NTM: variants seen among roughly 807,000 people sequenced by gnomAD.
The protein encoded by NTM is neurotrimin, also known as IgLON family member 2.
Under a neutral mutation model 42.1 loss-of-function variants are expected in NTM, and 13 were observed. That is an observed-to-expected ratio of 0.31 (90% CI 0.20 to 0.49). The LOEUF is 0.49. Among genes scored for constraint, NTM ranks in the 20% least tolerant of loss-of-function variants. The pLI, the probability that NTM is intolerant of heterozygous loss-of-function variation, is 0.99. For missense variants in NTM, 373 were observed against 452.8 expected, an observed-to-expected ratio of 0.82 and a Z score of 1.60; for synonymous variants, 187 against 179.2, an observed-to-expected ratio of 1.04 and a Z score of -0.35.
intron 1 of NTM, among the ~76,000 whole-genome samples, chr11:131,739,243 T>C (rs896102151): frequency 1.3e-5 from 2 of 151,962 alleles, no homozygotes; most frequent in African/African-American, 4.8e-5. Context: ...TTTCAAGATA[T>C]CAAAACAGCT....
At chr11:131,880,685 CAT>C (rs368478284) in intron 1 of NTM, among the ~76,000 whole-genome samples, 53 of 152,300 alleles carry the variant, frequency 3.5e-4, no homozygotes, top group African/African-American at 9.6e-4. Flanking sequence ...CTTAGGATGA[CAT>C]ATACACACTC....
At chr11:131,564,860 CACACACAT>C (rs1337589151) in intron 1 of NTM, among the ~76,000 whole-genome samples, 5 of 149,798 alleles carry the variant, frequency 3.3e-5, no homozygotes, top group Admixed American at 6.6e-5. Flanking sequence ...CACACACATA[CACACACAT>C]ACACACACAC....
intron 2 of NTM, among the ~76,000 whole-genome samples, chr11:132,004,605 TTCTCTCTCTC>T (rs71480226): frequency 2.2e-4 from 32 of 144,148 alleles, no homozygotes; most frequent in East Asian, 8.4e-4. Flanking sequence ...CTTTCTCTCT[TTCTCTCTCTC>T]TCTCTCTCTC....
At chr11:131,638,600 G>A (rs1387361275) in intron 1 of NTM, among the ~76,000 whole-genome samples, 3 of 146,978 alleles carry the variant, frequency 2.0e-5, no homozygotes, top group African/African-American at 7.5e-5. Context: ...ATGCCTAATA[G>A]GTAAATCACA....
intron 1 of NTM, among the ~76,000 whole-genome samples, chr11:131,724,791 G>A (rs764278968): frequency 6.6e-6 from 1 of 152,126 alleles, no homozygotes; most frequent in Non-Finnish European, 1.5e-5. Context: ...AAGGACAGAT[G>A]GAGGCTGCCT....
At chr11:132,153,910 A>G (rs1481586057) in intron 3 of NTM, among the ~76,000 whole-genome samples, 2 of 152,184 alleles carry the variant, frequency 1.3e-5, no homozygotes, top group African/African-American at 4.8e-5. Context: ...GAGTAATTGA[A>G]TTTACCTGCA....
chr11:132,169,584 T>C lies in NTM; in HGVS notation c.400+23070T>C, dbSNP rs144376720. 9.7e-3 allele frequency among the ~76,000 whole-genome samples: 1,480 copies of C among 152,016 alleles called. 20 individuals are homozygous for C. The highest frequency in any genetic ancestry group is 0.033 in the African/African-American group (1,388 of 41,442). Reference sequence around the variant, plus strand: ...TCCCTGAGCTCATGATCTGCCCTCCTTGGCCTCCCAAAGTGCTGGGATTAC... The same window carrying C: ...TCCCTGAGCTCATGATCTGCCCTCCCTGGCCTCCCAAAGTGCTGGGATTAC... On this transcript the variant is annotated intron_variant, in intron 3 of 8. Transcript: ENST00000683400.
intron 4 of NTM, among the ~76,000 whole-genome samples, chr11:132,249,161 A>G (rs1271834791): frequency 6.6e-6 from 1 of 152,356 alleles, no homozygotes; most frequent in Admixed American, 6.5e-5. Context: ...CTGAACTGGC[A>G]TCAGCAAAGC....
At chr11:132,161,370 C>CT (rs55732584) in intron 3 of NTM, among the ~76,000 whole-genome samples, 908 of 64,018 alleles carry the variant, frequency 0.014, 9 homozygotes, top group African/African-American at 0.032. Flanking sequence ...TTTCGAGCAG[C>CT]TTTTTTTTTT....
At chr11:131,443,001 G>A (rs1949749113) in intron 1 of NTM, among the ~76,000 whole-genome samples, 1 of 152,130 alleles carries the variant, frequency 6.6e-6, no homozygotes, top group African/African-American at 2.4e-5. Flanking sequence ...ATGCCCAGTA[G>A]TGGGAATGCT....
At chr11:131,758,767 T>C (rs1162928947) in intron 1 of NTM, among the ~76,000 whole-genome samples, 1 of 152,020 alleles carries the variant, frequency 6.6e-6, no homozygotes, top group African/African-American at 2.4e-5. Context: ...CACTTTTGTA[T>C]TTTTAGTAGA....
intron 2 of NTM, among the ~76,000 whole-genome samples, chr11:132,010,302 T>C (rs993309294): frequency 1.3e-5 from 2 of 152,218 alleles, no homozygotes; most frequent in African/African-American, 4.8e-5. Context: ...TTAGCTCACC[T>C]TGGTAACTCC....
intron 3 of NTM, among the ~76,000 whole-genome samples, chr11:132,194,814 CT>C (rs902871492): frequency 0.039 from 4,357 of 110,668 alleles, 191 homozygotes; most frequent in African/African-American, 0.14. Context: ...GCATTTCTTC[CT>C]TTTTTTTTTT....
At chr11:132,043,438 G>C (rs2077471222) in intron 2 of NTM, among the ~76,000 whole-genome samples, 1 of 152,224 alleles carries the variant, frequency 6.6e-6, no homozygotes, top group African/African-American at 2.4e-5. Flanking sequence ...ACTGTCAAGA[G>C]CTCATCAAGC....
intron 3 of NTM, among the ~76,000 whole-genome samples, chr11:132,180,038 G>A (rs10750502): frequency 4.6e-5 from 7 of 151,866 alleles, no homozygotes; most frequent in African/African-American, 1.2e-4. Flanking sequence ...AATCATCACC[G>A]TTTCTTAAAT....
intron 3 of NTM, among the ~76,000 whole-genome samples, chr11:132,147,416 G>A (rs1366084700): frequency 6.6e-6 from 1 of 152,004 alleles, no homozygotes; most frequent in Non-Finnish European, 1.5e-5. Context: ...CCTTAATCAA[G>A]TTATTACCGT....
At chr11:132,123,998 G>A (rs1264425701) in intron 2 of NTM, among the ~76,000 whole-genome samples, 1 of 152,098 alleles carries the variant, frequency 6.6e-6, no homozygotes, top group Non-Finnish European at 1.5e-5. Flanking sequence ...TTTGTGACCC[G>A]AGGCAATTTA....
intron 2 of NTM, among the ~76,000 whole-genome samples, chr11:131,954,909 C>T (rs1412247762): frequency 2.0e-5 from 3 of 152,164 alleles, no homozygotes; most frequent in African/African-American, 7.2e-5. Flanking sequence ...TTTATTGCTA[C>T]ACAATATTCT....
chr11:131,407,530 G>A (rs1945927788), intron 1 of NTM, among the ~76,000 whole-genome samples: 2 of 152,230 alleles, frequency 1.3e-5, no homozygotes, highest in African/African-American at 4.8e-5. Context: ...GGGTGGGACA[G>A]GTCAGCCAGG....
Sources: allele counts gnomAD v4.1 joint callset (sites outside exome capture counted in the v4.1 genomes callset), GRCh38; gene constraint gnomAD v4.1.1; transcripts MANE v1.5; gene names NCBI Gene and HGNC (gene_info 2026-07-23, HGNC 2026-07-21).